FBXW11: variants seen among roughly 807,000 people sequenced by gnomAD.
FBXW11 encodes F-box/WD repeat-containing protein 11.
A neutral mutation model predicts 77.6 loss-of-function variants in FBXW11; 19 were observed. The observed-to-expected ratio is 0.24, with a 90% CI of 0.17 to 0.36. The LOEUF (loss-of-function observed/expected upper bound fraction) is 0.36. Ranked by LOEUF, FBXW11 falls within the 10% of genes least tolerant of loss-of-function variation. The pLI is 1.00. For synonymous variants in FBXW11, 235 were observed against 249.4 expected (o/e 0.94, Z 0.54); for missense variants, 334 against 704.2 (o/e 0.47, Z 5.95).
At chr5:171,886,851 T>C (rs1017249763) in intron 7 of FBXW11, among the ~76,000 whole-genome samples, 1 of 151,994 alleles carries the variant, frequency 6.6e-6, no homozygotes, top group South Asian at 2.1e-4. Flanking sequence ...TCATCTCTAC[T>C]AAAAACACAA....
chr5:171,869,883 G>A lies in FBXW11; in HGVS notation c.1452-76C>T. 1 of 942,752 alleles carries A rather than the reference G, an allele frequency of 1.1e-6. No individual in the cohort carries two copies. The highest frequency in any genetic ancestry group is 1.6e-6 in the Non-Finnish European group (1 of 617,350). The allele number at this position is 942,752 out of a possible 1,614,324, so 58.4% of individuals were successfully genotyped here. A position where few individuals can be genotyped will look rare whatever the true frequency, so the allele number is the denominator to read the frequency against. ...CTGTCAAACATTTCCTTGAAAAAAAGTAGTGCATCTGAACTGCCTATTTAT... is the reference window on the plus strand; with the variant it reads ...CTGTCAAACATTTCCTTGAAAAAAAATAGTGCATCTGAACTGCCTATTTAT... On this transcript the variant is annotated intron_variant, in intron 11 of 13. Transcript: ENST00000517395. This position sits in a 1 kb window ranked among gnomAD's most constrained non-coding sequence, Gnocchi z 4.1.
chr5:171,959,261 G>A (rs1763773141), intron 1 of FBXW11, among the ~76,000 whole-genome samples: 1 of 151,778 alleles, frequency 6.6e-6, no homozygotes, highest in South Asian at 2.1e-4. Context: ...GAAACTCCAG[G>A]TACACAAATT....
At chr5:171,969,733 G>A (rs531635868) in intron 1 of FBXW11, among the ~76,000 whole-genome samples, 5 of 152,034 alleles carry the variant, frequency 3.3e-5, no homozygotes, top group South Asian at 2.1e-4. Context: ...ACAAAATTGC[G>A]CTCTGTCACC....
chr5:171,974,662 T>C (rs1277281133), intron 1 of FBXW11, among the ~76,000 whole-genome samples: 1 of 152,094 alleles, frequency 6.6e-6, no homozygotes, highest in Non-Finnish European at 1.5e-5. Flanking sequence ...GAGGCTGCAG[T>C]GTGCTACGAC....
At chr5:172,006,090 C>T (rs1766743767) in intron 1 of FBXW11, among the ~76,000 whole-genome samples, 1 of 152,152 alleles carries the variant, frequency 6.6e-6, no homozygotes, top group Non-Finnish European at 1.5e-5. Context: ...CGGTGCGGGC[C>T]TGGGCCGAAA....
chr5:171,937,895 C>T (rs1762560596), intron 2 of FBXW11, among the ~76,000 whole-genome samples: 1 of 149,270 alleles, frequency 6.7e-6, no homozygotes, highest in Non-Finnish European at 1.5e-5. Context: ...TTTTGCACAG[C>T]ATTTTTATTA....
chr5:171,938,019 A>C (rs1762565390), intron 2 of FBXW11, among the ~76,000 whole-genome samples: 1 of 152,188 alleles, frequency 6.6e-6, no homozygotes, highest in South Asian at 2.1e-4. Flanking sequence ...AAGTAAAAAA[A>C]ACACCAAAAT....
At chr5:171,889,906 TAAATAAAAAGA>T (rs1020273323) in intron 7 of FBXW11, among the ~76,000 whole-genome samples, 2 of 151,896 alleles carry the variant, frequency 1.3e-5, no homozygotes, top group Non-Finnish European at 2.9e-5. Context: ...AAATTTTTTT[TAAATAAAAAGA>T]AAATGAAAAG....
intron 2 of FBXW11, among the ~76,000 whole-genome samples, chr5:171,945,576 T>C (rs1289184941): frequency 6.6e-6 from 1 of 152,196 alleles, no homozygotes; most frequent in Non-Finnish European, 1.5e-5. Context: ...TGTTTAGGCA[T>C]GTAGTACTCA....
chr5:171,950,190 T>G (rs1370375670), intron 2 of FBXW11, among the ~76,000 whole-genome samples: 6 of 152,204 alleles, frequency 3.9e-5, no homozygotes, highest in African/African-American at 1.4e-4. Context: ...AACAAGTATG[T>G]TATTTTTAGT....
intron 4 of FBXW11, among the ~76,000 whole-genome samples, chr5:171,901,668 A>C (rs1760122709): frequency 6.6e-6 from 1 of 152,236 alleles, no homozygotes; most frequent in Non-Finnish European, 1.5e-5. Flanking sequence ...AAGACGCCTA[A>C]GATGGCAGTA....
At chr5:171,923,909 C>CTTTTTTTTTTTTTT (rs70982354) in intron 2 of FBXW11, among the ~76,000 whole-genome samples, 1 of 49,130 alleles carries the variant, frequency 2.0e-5, no homozygotes, top group African/African-American at 9.0e-5. Flanking sequence ...GAAACCCCAC[C>CTTTTTTTTTTTTTT]TTTTTTTTTT....
intron 2 of FBXW11, among the ~76,000 whole-genome samples, chr5:171,945,677 A>G (rs1206428570): frequency 1.3e-5 from 2 of 152,210 alleles, no homozygotes; most frequent in Non-Finnish European, 2.9e-5. Flanking sequence ...CTATTTCACT[A>G]TTGCAAGTAG....
At chr5:171,982,016 G>A (rs752249197) in intron 1 of FBXW11, among the ~76,000 whole-genome samples, 7 of 152,092 alleles carry the variant, frequency 4.6e-5, no homozygotes, top group Admixed American at 3.9e-4. Flanking sequence ...TTAGGGCTGG[G>A]GCAGAGAAAT....
intron 8 of FBXW11, among the ~76,000 whole-genome samples, chr5:171,877,785 G>A (rs146675913): frequency 2.6e-4 from 39 of 152,298 alleles, no homozygotes; most frequent in African/African-American, 9.4e-4. Flanking sequence ...GCTCTTACAG[G>A]AAAGCATGTT....
In FBXW11 at chr5:172,001,002, A is replaced by G. The variant is rs551347167; in HGVS notation, c.45+5456T>C. Among the ~76,000 whole-genome samples the G allele has an allele frequency of 7.2e-5, 11 of 152,314 alleles. No homozygotes were observed. The South Asian group carries it at 2.3e-3, about 32-fold the overall frequency. ...GTTCTTTGCTAACAACCAGTCTCTG[A>G]GTTCTATGTAAATCAATCTGTATGT... On this transcript the variant is annotated intron_variant, in intron 1 of 13. Transcript: ENST00000517395.
Position 171,876,453 on chromosome 5 carries a change from A to G in FBXW11, c.1053T>C (p.Asn351=). The G allele has an allele frequency of 6.2e-7, 1 of 1,614,144 alleles. No homozygotes were observed. Among genetic ancestry groups the G allele is most frequent in the Non-Finnish European group, 8.5e-7 (1 of 1,180,010 alleles). Residue 351 remains asparagine (N), a synonymous_variant, in exon 9 of 14, where the codon AAT becomes AAC. Transcript: ENST00000517395. The surrounding 1 kb of genome is among the most constrained non-coding windows in gnomAD (Gnocchi z 4.2). ...NEAVLHLRFS[N]GLMVTCSKDR... is the part of the protein sequence containing the mutation. Reference sequence around the variant, plus strand: ...CCTTGGAACAGGTCACCATCAGTCCATTGCTGAAGCGTAAGTGCAATACAG... The same window carrying G: ...CCTTGGAACAGGTCACCATCAGTCCGTTGCTGAAGCGTAAGTGCAATACAG...
Position 171,869,951 on chromosome 5 carries a change from G to C in FBXW11, c.1452-144C>G. 1 of 467,050 alleles carries C rather than the reference G, an allele frequency of 2.1e-6. No individual in the cohort carries two copies. Among genetic ancestry groups the C allele is most frequent in the South Asian group, 3.4e-5 (1 of 29,772 alleles). The allele number at this position is 467,050 out of a possible 1,614,324, so 28.9% of individuals were successfully genotyped here. ...ATGCTTATGTTTTTACAAATCATCT[G>C]AACCAATTACACTTGATTTTGGAAA... On this transcript the variant is annotated intron_variant, in intron 11 of 13. Transcript: ENST00000517395. This position sits in a 1 kb window ranked among gnomAD's most constrained non-coding sequence, Gnocchi z 4.1.
rs73329856 is a variant in FBXW11, at chr5:172,000,158, T to A, written c.45+6300A>T. On this transcript the variant is annotated intron_variant, in intron 1 of 13. Transcript: ENST00000517395. ...CTTCCCCCATTGTCATCTAATTCAA[T>A]GAACAATACAACTCAGAAGAAAATC... is the stretch of plus-strand genomic sequence containing the variant. 2.7e-3 allele frequency among the ~76,000 whole-genome samples: 412 copies of A among 152,340 alleles called. 1 individual carries two copies. Among genetic ancestry groups the A allele is most frequent in the African/African-American group, 8.9e-3 (370 of 41,582 alleles).
Sources: gnomAD v4.1 joint callset for allele counts (sites outside exome capture counted in the v4.1 genomes callset) on GRCh38, gnomAD v4.1.1 for gene constraint, Gnocchi (gnomAD v3.1) non-coding constraint, MANE v1.5 for transcripts, NCBI Gene and HGNC (gene_info 2026-07-23, HGNC 2026-07-21) for gene names.